The following HECW2 variants were observed in gnomAD, a reference collection of about 807,000 sequenced individuals.
HECW2 encodes the protein HECT, C2 and WW domain containing E3 ubiquitin protein ligase 2, also known as E3 ubiquitin-protein ligase HECW2.
In HECW2, 61 loss-of-function variants were observed where a neutral mutation model predicts 175.2. The ratio of observed to expected loss-of-function variants is 0.35; its 90% CI spans 0.28 to 0.43. HECW2 has a LOEUF of 0.43. Among genes scored for constraint, HECW2 ranks in the 20% least tolerant of loss-of-function variants. HECW2 has a pLI of 1.00. For missense variants in HECW2, 1,524 were observed against 2,000.5 expected, an observed-to-expected ratio of 0.76 and a Z score of 4.54; for synonymous variants, 671 against 731.0, an observed-to-expected ratio of 0.92 and a Z score of 1.32.
intron 1 of HECW2, among the ~76,000 whole-genome samples, chr2:196,573,644 G>A (rs13402954): frequency 0.048 from 7,239 of 152,206 alleles, 565 homozygotes; most frequent in African/African-American, 0.16. Flanking sequence ...GGGAAAAGCC[G>A]TATCCCCACA....
chr2:196,470,393 G>C (rs1284085083), intron 1 of HECW2, among the ~76,000 whole-genome samples: 1 of 152,044 alleles, frequency 6.6e-6, no homozygotes, highest in Non-Finnish European at 1.5e-5. Context: ...CTAAATTTAG[G>C]GATATTTTGC....
intron 2 of HECW2, among the ~76,000 whole-genome samples, chr2:196,385,074 G>A (rs1406949028): frequency 2.0e-5 from 3 of 151,980 alleles, no homozygotes; most frequent in East Asian, 3.9e-4. Flanking sequence ...CAGTTACCAT[G>A]TCCAGCTAAT....
chr2:196,592,087 C>T (rs916220237), intron 1 of HECW2, among the ~76,000 whole-genome samples: 2 of 152,130 alleles, frequency 1.3e-5, no homozygotes, highest in African/African-American at 4.8e-5. Context: ...CTAAAATATT[C>T]TTCTTCTAAA....
At chr2:196,309,013 A>G (rs1161909585) in intron 10 of HECW2, among the ~76,000 whole-genome samples, 2 of 152,186 alleles carry the variant, frequency 1.3e-5, no homozygotes, top group East Asian at 3.8e-4. Flanking sequence ...ATTAATAAGC[A>G]TTTTTCTCCT....
At chr2:196,449,957 C>A (rs191990282) in intron 1 of HECW2, among the ~76,000 whole-genome samples, 4 of 152,130 alleles carry the variant, frequency 2.6e-5, no homozygotes, top group Admixed American at 2.0e-4. Flanking sequence ...ATTAGCACTC[C>A]TTGTCTCCTC....
intron 1 of HECW2, among the ~76,000 whole-genome samples, chr2:196,577,957 C>G (rs962851879): frequency 1.3e-5 from 2 of 152,122 alleles, no homozygotes; most frequent in African/African-American, 4.8e-5. Flanking sequence ...CACTTTTCAA[C>G]AGACTTACAA....
intron 5 of HECW2, among the ~76,000 whole-genome samples, chr2:196,328,716 T>A (rs1692246289): frequency 6.6e-6 from 1 of 152,198 alleles, no homozygotes. Context: ...GTGAAGGAGA[T>A]CCATTAGACT....
At chr2:196,222,096 T>A in intron 24 of HECW2, 115 bp downstream of exon 24, 1 of 882,606 alleles carries the variant, frequency 1.1e-6, no homozygotes, top group Middle Eastern at 2.3e-4. Context: ...TGAGTTTAAA[T>A]CACCCAATAA....
chr2:196,238,284 A>C (rs1315725189), intron 21 of HECW2, among the ~76,000 whole-genome samples: 1 of 152,160 alleles, frequency 6.6e-6, no homozygotes. Context: ...CCATTTTTAT[A>C]GTTCAATGGA....
At chr2:196,428,670 T>C (rs1695618316) in intron 2 of HECW2, among the ~76,000 whole-genome samples, 1 of 152,250 alleles carries the variant, frequency 6.6e-6, no homozygotes, top group South Asian at 2.1e-4. Flanking sequence ...AGAATTTTTA[T>C]ATCAAAATTG....
intron 28 of HECW2, among the ~76,000 whole-genome samples, chr2:196,211,935 T>C (rs1030381535): frequency 3.3e-5 from 5 of 152,174 alleles, no homozygotes; most frequent in Non-Finnish European, 7.4e-5. Context: ...CTCTGCCTCC[T>C]GGGTTCAAGC....
intron 2 of HECW2, among the ~76,000 whole-genome samples, chr2:196,373,254 GT>G (rs745631003): frequency 6.6e-6 from 1 of 152,162 alleles, no homozygotes; most frequent in Non-Finnish European, 1.5e-5. Flanking sequence ...CCCAAACCAT[GT>G]TCAAATTCAG....
chr2:196,251,884 T>C (rs1450417470), intron 19 of HECW2, among the ~76,000 whole-genome samples: 1 of 152,120 alleles, frequency 6.6e-6, no homozygotes, highest in Non-Finnish European at 1.5e-5. Flanking sequence ...TTATACATTT[T>C]CAGTGGCTTC....
intron 4 of HECW2, among the ~76,000 whole-genome samples, chr2:196,333,378 G>T (rs552760067): frequency 3.3e-5 from 5 of 152,248 alleles, no homozygotes; most frequent in Admixed American, 3.3e-4. Context: ...GTGCTTGATA[G>T]GTACAAGCAC....
At chr2:196,467,558 T>A (rs2125340691) in intron 1 of HECW2, among the ~76,000 whole-genome samples, 1 of 152,332 alleles carries the variant, frequency 6.6e-6, no homozygotes, top group East Asian at 1.9e-4. Flanking sequence ...AGCGTCTGAC[T>A]CTTCTTAGGG....
At chr2:196,577,018 A>G (rs1690585892) in intron 1 of HECW2, among the ~76,000 whole-genome samples, 1 of 152,254 alleles carries the variant, frequency 6.6e-6, no homozygotes. Flanking sequence ...GTTATGATAC[A>G]TCAAATATTT....
At chr2:196,323,900 T>A (rs1415416488) in intron 6 of HECW2, among the ~76,000 whole-genome samples, 1 of 118,034 alleles carries the variant, frequency 8.5e-6, no homozygotes, top group Non-Finnish European at 1.6e-5. Flanking sequence ...CCCTTAAGAG[T>A]TTTTTTTGTT....
At chr2:196,312,586 C>G in intron 10 of HECW2, among the ~76,000 whole-genome samples, 1 of 152,218 alleles carries the variant, frequency 6.6e-6, no homozygotes, top group African/African-American at 2.4e-5. Context: ...TTTCCCCATA[C>G]GGAGTTGCGG....
At chr2:196,262,583 T>C (rs894543153) in intron 17 of HECW2, among the ~76,000 whole-genome samples, 4 of 151,926 alleles carry the variant, frequency 2.6e-5, no homozygotes, top group African/African-American at 4.8e-5. Flanking sequence ...TTTTTTTTTT[T>C]GAGATGGAGT....
Sources: gnomAD v4.1 joint callset for allele counts (sites outside exome capture counted in the v4.1 genomes callset) on GRCh38, gnomAD v4.1.1 for gene constraint, MANE v1.5 for transcripts, NCBI Gene and HGNC (gene_info 2026-07-23, HGNC 2026-07-21) for gene names.